The following GNB1 variants were observed in gnomAD, a reference collection of about 807,000 sequenced individuals.
GNB1 encodes the protein G protein subunit beta 1.
GNB1 carries 2 observed loss-of-function variants against 42.9 expected under a neutral mutation model. The ratio of observed to expected loss-of-function variants is 0.05; its 90% CI spans 0.02 to 0.15. The LOEUF (loss-of-function observed/expected upper bound fraction) is 0.15, where lower values mean the gene tolerates loss of function less well. Ranked by LOEUF, GNB1 falls within the 10% of genes least tolerant of loss-of-function variation. The probability of loss-of-function intolerance (pLI) is 1.00; values close to 1 mark genes in which losing one functional copy is unlikely to be tolerated. For synonymous variants in GNB1, 183 were observed against 174.7 expected, an observed-to-expected ratio of 1.05 and a Z score of -0.38; for missense variants, 193 against 462.2, an observed-to-expected ratio of 0.42 and a Z score of 5.34.
At chr1:1,890,313 G>C (rs943659229) in intron 1 of GNB1, 4 of 151,014 alleles carry the variant, frequency 2.6e-5, no homozygotes, top group Non-Finnish European at 4.4e-5. Flanking sequence ...CCATTTCATT[G>C]TTCCCCTTCC....
chr1:1,865,947 AT>A (rs926115042), intron 1 of GNB1, among the ~76,000 whole-genome samples: 236 of 145,336 alleles, frequency 1.6e-3, no homozygotes, highest in Non-Finnish European at 1.6e-3. Context: ...GTATTTATTT[AT>A]TTTTTTTTTT....
intron 1 of GNB1, among the ~76,000 whole-genome samples, chr1:1,876,171 T>C (rs1168076582): frequency 6.6e-6 from 1 of 152,150 alleles, no homozygotes; most frequent in Non-Finnish European, 1.5e-5. Context: ...AGGGAATCAA[T>C]TCATTCTGAG....
At chr1:1,806,331 C>T in intron 6 of GNB1, 144 bp downstream of exon 6, 2 of 577,048 alleles carry the variant, frequency 3.5e-6, no homozygotes, top group Non-Finnish European at 6.3e-6. Flanking sequence ...TCTATCTCAC[C>T]TGCGCAACTT....
chr1:1,834,608 G>A (rs1197844767), intron 2 of GNB1, among the ~76,000 whole-genome samples: 1 of 152,008 alleles, frequency 6.6e-6, no homozygotes, highest in Non-Finnish European at 1.5e-5. Flanking sequence ...AACAGGGAAA[G>A]GTGGTGAGAA....
chr1:1,843,971 G>A (rs1202404472), intron 1 of GNB1, among the ~76,000 whole-genome samples: 4 of 152,010 alleles, frequency 2.6e-5, no homozygotes, highest in African/African-American at 4.8e-5. Flanking sequence ...CGAGGCGGGC[G>A]GATCACGAGG....
chr1:1,815,983 A>C, intron 4 of GNB1, 121 bp from the exon 5 acceptor site: 2 of 671,652 alleles, frequency 3.0e-6, no homozygotes, highest in Non-Finnish European at 2.7e-6. Context: ...CCCTTCCCAC[A>C]GTTCTCCAGT....
At chr1:1,841,755 G>A (rs1385662071) in intron 1 of GNB1, among the ~76,000 whole-genome samples, 2 of 152,070 alleles carry the variant, frequency 1.3e-5, no homozygotes, top group African/African-American at 4.8e-5. Context: ...GTACTTTTCC[G>A]GCAGTAAAAA....
intron 7 of GNB1, among the ~76,000 whole-genome samples, chr1:1,794,827 C>T (rs537175079): frequency 6.6e-6 from 1 of 152,192 alleles, no homozygotes; most frequent in South Asian, 2.1e-4. Flanking sequence ...GTAGCTGGGA[C>T]TACAGGTGCA....
intron 7 of GNB1, among the ~76,000 whole-genome samples, chr1:1,802,675 A>AT (rs1275892943): frequency 3.9e-5 from 6 of 151,914 alleles, no homozygotes; most frequent in African/African-American, 2.4e-5. Context: ...GAGGCAGGAG[A>AT]ATCGCTTGAA....
intron 4 of GNB1, among the ~76,000 whole-genome samples, chr1:1,817,327 G>A (rs1378270157): frequency 1.3e-5 from 2 of 152,096 alleles, no homozygotes; most frequent in African/African-American, 4.8e-5. Context: ...ACCACAATTT[G>A]TTTCTCCACT....
chr1:1,833,496 C>T (rs1647104131), intron 2 of GNB1, among the ~76,000 whole-genome samples: 1 of 152,164 alleles, frequency 6.6e-6, no homozygotes, highest in South Asian at 2.1e-4. Context: ...ACCACTAACG[C>T]AGCTGCAGAG....
chr1:1,807,515 T>C (rs1322360993), intron 5 of GNB1, among the ~76,000 whole-genome samples: 1 of 135,250 alleles, frequency 7.4e-6, no homozygotes, highest in East Asian at 2.1e-4. Flanking sequence ...AACAAACCAC[T>C]TTTAGACATT....
intron 7 of GNB1, among the ~76,000 whole-genome samples, chr1:1,797,626 T>C (rs1211347561): frequency 6.6e-6 from 1 of 152,076 alleles, no homozygotes; most frequent in Non-Finnish European, 1.5e-5. Context: ...TTAGTAGAGA[T>C]GGGGTTTTGC....
At chr1:1,845,248 T>C (rs1313450923) in intron 1 of GNB1, among the ~76,000 whole-genome samples, 1 of 152,212 alleles carries the variant, frequency 6.6e-6, no homozygotes, top group Non-Finnish European at 1.5e-5. Flanking sequence ...AATAGAGTTC[T>C]GAAATTTAAG....
intron 1 of GNB1, among the ~76,000 whole-genome samples, chr1:1,878,697 C>T (rs1339921456): frequency 6.6e-6 from 1 of 152,198 alleles, no homozygotes; most frequent in African/African-American, 2.4e-5. Context: ...CTCTCCTTGG[C>T]ACATCTTTGG....
chr1:1,806,641 T>C (rs1332586396), intron 5 of GNB1, 103 bp from the exon 6 acceptor site: 1 of 692,684 alleles, frequency 1.4e-6, no homozygotes, highest in East Asian at 2.7e-5. Context: ...TGTGCTCCCA[T>C]GTTACATGTG....
chr1:1,843,715 C>T (rs1647452689), intron 1 of GNB1, among the ~76,000 whole-genome samples: 1 of 152,140 alleles, frequency 6.6e-6, no homozygotes, highest in Non-Finnish European at 1.5e-5. Context: ...CATAGAACCC[C>T]ACACTAAGGA....
intron 7 of GNB1, among the ~76,000 whole-genome samples, chr1:1,803,533 T>C (rs953425872): frequency 2.6e-5 from 4 of 152,216 alleles, no homozygotes; most frequent in African/African-American, 9.6e-5. Context: ...CCTCCTACCT[T>C]GGCCTCCCAG....
intron 2 of GNB1, among the ~76,000 whole-genome samples, chr1:1,838,346 C>G (rs530005714): frequency 1.6e-4 from 25 of 152,302 alleles, no homozygotes; most frequent in African/African-American, 5.1e-4. Context: ...CCCAGACTCA[C>G]TCACTACGAA....
Sources: gnomAD v4.1 joint callset for allele counts (sites outside exome capture counted in the v4.1 genomes callset) on GRCh38, gnomAD v4.1.1 for gene constraint, MANE v1.5 for transcripts, NCBI Gene and HGNC (gene_info 2026-07-23, HGNC 2026-07-21) for gene names.